STXBP4: variants seen among roughly 807,000 people sequenced by gnomAD.
STXBP4 encodes syntaxin-binding protein 4.
STXBP4 carries 55 observed loss-of-function variants against 76.1 expected under a neutral mutation model. That is an observed-to-expected ratio of 0.72 (90% CI 0.58 to 0.91). The LOEUF is 0.91. Ranked by LOEUF, STXBP4 falls within the 40% of genes least tolerant of loss-of-function variation. The pLI, the probability that STXBP4 is intolerant of heterozygous loss-of-function variation, is 0.00. For synonymous variants in STXBP4, 201 were observed against 220.2 expected, an observed-to-expected ratio of 0.91 and a Z score of 0.77; for missense variants, 618 against 636.9, an observed-to-expected ratio of 0.97 and a Z score of 0.32.
rs148019766 is a variant in STXBP4, at chr17:54,988,460, C to A, written c.47+2194C>A. Among the ~76,000 whole-genome samples, 4 of 152,214 alleles carry A rather than the reference C, an allele frequency of 2.6e-5. 1 individual carries two copies. Among genetic ancestry groups the A allele is most frequent in the East Asian group, 1.9e-4 (1 of 5,172 alleles). ...TAGGCTTTACTCGTTTATGTTTTTG[C>A]AATCTACCATCCTGTAAAGAAGGGA... On this transcript the variant is annotated intron_variant, in intron 3 of 17. Transcript: ENST00000376352.
intron 16 of STXBP4, among the ~76,000 whole-genome samples, chr17:55,121,628 C>T (rs1483644114): frequency 6.6e-6 from 1 of 152,042 alleles, no homozygotes; most frequent in Non-Finnish European, 1.5e-5. Context: ...TTTTTGTAAT[C>T]TATGGCAGAC....
intron 16 of STXBP4, among the ~76,000 whole-genome samples, chr17:55,105,142 A>C (rs982635272): frequency 1.3e-5 from 2 of 151,816 alleles, no homozygotes; most frequent in South Asian, 2.1e-4. Context: ...CTCTGATCTT[A>C]GTTATTTCTT....
chr17:55,030,609 A>G (rs2078490301), intron 8 of STXBP4, among the ~76,000 whole-genome samples: 1 of 152,230 alleles, frequency 6.6e-6, no homozygotes, highest in Non-Finnish European at 1.5e-5. Flanking sequence ...ATTTTTAATC[A>G]CTAATGGATA....
At chr17:55,103,712 G>C (rs541693235) in intron 16 of STXBP4, among the ~76,000 whole-genome samples, 1 of 151,826 alleles carries the variant, frequency 6.6e-6, no homozygotes, top group East Asian at 1.9e-4. Flanking sequence ...GAATCTATAA[G>C]TTACTTTGTG....
intron 16 of STXBP4, 134 bp from the exon 17 acceptor site, chr17:55,141,176 T>G: frequency 1.4e-6 from 1 of 711,468 alleles, no homozygotes; most frequent in Non-Finnish European, 2.4e-6. Context: ...TTGTCTTAAT[T>G]CCCCCTTTCT....
intron 17 of STXBP4, among the ~76,000 whole-genome samples, chr17:55,150,512 A>C (rs2080204022): frequency 6.6e-6 from 1 of 152,134 alleles, no homozygotes; most frequent in Non-Finnish European, 1.5e-5. Context: ...TCAACATATG[A>C]ATTTAGGAGG....
chr17:55,051,969 A>G (rs1364314644), intron 12 of STXBP4, among the ~76,000 whole-genome samples: 1 of 152,146 alleles, frequency 6.6e-6, no homozygotes, highest in African/African-American at 2.4e-5. Flanking sequence ...ATCAAGTAGA[A>G]AATGTGTTTA....
At chr17:55,012,908 A>G (rs1226081664) in intron 8 of STXBP4, among the ~76,000 whole-genome samples, 1 of 152,194 alleles carries the variant, frequency 6.6e-6, no homozygotes, top group Non-Finnish European at 1.5e-5. Context: ...TTCTATCTTC[A>G]TTGTCTGGAA....
intron 12 of STXBP4, 33 bp downstream of exon 12, chr17:55,047,187 T>A: frequency 8.7e-6 from 2 of 229,746 alleles, no homozygotes; most frequent in Non-Finnish European, 1.4e-5. Context: ...TATGTGCTCG[T>A]GTGTGTGTGT....
At chr17:55,014,554 T>C (rs2078171748) in intron 8 of STXBP4, among the ~76,000 whole-genome samples, 1 of 152,102 alleles carries the variant, frequency 6.6e-6, no homozygotes, top group Admixed American at 6.5e-5. Flanking sequence ...GCCACACCAG[T>C]GTCCAGGAGA....
intron 16 of STXBP4, among the ~76,000 whole-genome samples, chr17:55,085,085 A>C (rs1263778624): frequency 6.6e-6 from 1 of 152,180 alleles, no homozygotes; most frequent in African/African-American, 2.4e-5. Context: ...GGAAATCATC[A>C]TTCTCAGTAA....
In STXBP4 at chr17:55,172,254, G is replaced by A. The variant is rs539351741; in HGVS notation, c.*12343G>A. On this transcript the variant is annotated 3_prime_UTR_variant, in exon 18 of 18. Coordinates refer to ENST00000376352, the MANE Select transcript of STXBP4 (RefSeq NM_178509.6). ...CTTGGTAGCACATTAGAAACACCTG[G>A]AGAGATTTTAAAATTTACAAAGCCT... 222 of 152,326 alleles carry A rather than the reference G, an allele frequency of 1.5e-3. No homozygotes were observed. Among genetic ancestry groups the A allele is most frequent in the Non-Finnish European group, 8.1e-4 (55 of 68,068 alleles). 9.4% of individuals were successfully genotyped at this position (152,326 alleles called of 1,614,324 possible).
At chr17:55,185,250 TCC>T in the STXBP4 span, among the ~76,000 whole-genome samples, 1,524 of 36,910 alleles carry the variant, frequency 0.041, 6 homozygotes, top group Non-Finnish European at 0.046. Flanking sequence ...CTTCTTCTTC[TCC>T]TTCTCCTTCT....
At chr17:55,054,582 C>A (rs1598270622) in intron 12 of STXBP4, among the ~76,000 whole-genome samples, 1 of 152,120 alleles carries the variant, frequency 6.6e-6, no homozygotes, top group South Asian at 2.1e-4. Flanking sequence ...ATACCCTGAC[C>A]CTGCTCCTTG....
intron 12 of STXBP4, among the ~76,000 whole-genome samples, chr17:55,055,779 A>G (rs1035213495): frequency 2.0e-5 from 3 of 152,092 alleles, no homozygotes; most frequent in African/African-American, 4.8e-5. Flanking sequence ...GTCTCTTTGC[A>G]CCATCTTTCC....
At chr17:55,078,288 A>G (rs2079212511) in intron 14 of STXBP4, 94 bp downstream of exon 14, 1 of 802,326 alleles carries the variant, frequency 1.2e-6, no homozygotes. Context: ...CTAGTGAAAC[A>G]TTCTCTAGTC....
At chr17:55,067,166 T>G (rs2079062545) in intron 12 of STXBP4, among the ~76,000 whole-genome samples, 1 of 152,174 alleles carries the variant, frequency 6.6e-6, no homozygotes, top group African/African-American at 2.4e-5. Flanking sequence ...GGGTTTTTAC[T>G]CTCAGACAGA....
chr17:55,125,500 A>AAAAAAAAAAAAAAAAAAAAAC (rs1459281293), intron 16 of STXBP4, among the ~76,000 whole-genome samples: 1 of 149,180 alleles, frequency 6.7e-6, no homozygotes, highest in South Asian at 2.1e-4. Flanking sequence ...AAAAAAAAAA[A>AAAAAAAAAAAAAAAAAAAAAC]TACAATTGAA....
chr17:55,033,161 G>T (rs2078538541), intron 9 of STXBP4, among the ~76,000 whole-genome samples: 4 of 152,146 alleles, frequency 2.6e-5, no homozygotes, highest in Admixed American at 1.3e-4. Context: ...GTCACCTGAG[G>T]TGAGGAGTTC....
Sources: gnomAD v4.1 joint callset for allele counts (sites outside exome capture counted in the v4.1 genomes callset) on GRCh38, gnomAD v4.1.1 for gene constraint, MANE v1.5 for transcripts, NCBI Gene and HGNC (gene_info 2026-07-23, HGNC 2026-07-21) for gene names.